The following PRKCZ variants were observed in gnomAD, a reference collection of about 807,000 sequenced individuals.
PRKCZ encodes the protein protein kinase C zeta, also known as protein kinase C zeta type.
In PRKCZ, 33 loss-of-function variants were observed where a neutral mutation model predicts 79.5. The ratio of observed to expected loss-of-function variants is 0.41; its 90% CI spans 0.31 to 0.55. The LOEUF is 0.55. Ranked by LOEUF, PRKCZ falls within the 20% of genes least tolerant of loss-of-function variation. PRKCZ has a pLI of 0.19. For missense variants in PRKCZ, 578 were observed against 813.5 expected (o/e 0.71, Z 3.52); for synonymous variants, 342 against 320.9 (o/e 1.07, Z -0.70).
intron 1 of PRKCZ, among the ~76,000 whole-genome samples, chr1:2,054,652 T>C (rs1659989001): frequency 1.3e-5 from 2 of 151,964 alleles, no homozygotes; most frequent in Non-Finnish European, 2.9e-5. Context: ...AAGAGTGGCC[T>C]TTCATTATGG....
At chr1:2,064,143 G>A (rs1001367868) in intron 4 of PRKCZ, among the ~76,000 whole-genome samples, 2 of 152,194 alleles carry the variant, frequency 1.3e-5, no homozygotes, top group Non-Finnish European at 2.9e-5. Context: ...TGCCGTGCCC[G>A]GCTTTGTTGG....
chr1:2,159,290 C>G (rs965567166), intron 10 of PRKCZ, among the ~76,000 whole-genome samples: 9 of 152,260 alleles, frequency 5.9e-5, no homozygotes, highest in Non-Finnish European at 1.2e-4. Flanking sequence ...TCTGGCCTGG[C>G]CCAGGTGGGT....
At chr1:2,103,691 C>T (rs1571393457) in intron 4 of PRKCZ, among the ~76,000 whole-genome samples, 1 of 152,238 alleles carries the variant, frequency 6.6e-6, no homozygotes, top group Non-Finnish European at 1.5e-5. Flanking sequence ...ATGATTGCAA[C>T]ACTGCACTCT....
chr1:2,137,873 C>T (rs1029747693), intron 5 of PRKCZ, among the ~76,000 whole-genome samples: 1 of 152,188 alleles, frequency 6.6e-6, no homozygotes, highest in African/African-American at 2.4e-5. Context: ...TGTGGAGGTA[C>T]AGCCCTTCTG....
chr1:2,066,203 C>G (rs987993618), intron 4 of PRKCZ, among the ~76,000 whole-genome samples: 4 of 152,182 alleles, frequency 2.6e-5, no homozygotes, highest in Admixed American at 6.5e-5. Context: ...CAGAGTAGTG[C>G]TGGCCTCACA....
At position 2,103,249 on chromosome 1, in the gene PRKCZ, C is replaced by T. The variant is rs568097508; in HGVS notation, c.335-32013C>T. On this transcript the variant is annotated intron_variant, in intron 4 of 17. Coordinates refer to ENST00000378567, the MANE Select transcript of PRKCZ (RefSeq NM_002744.6). ...ACAAACAGCAGCTGATGTTCTCACCCGGCCTTGTTCTAAGAGGACTCCAAA... is the reference window on the plus strand; with the variant it reads ...ACAAACAGCAGCTGATGTTCTCACCTGGCCTTGTTCTAAGAGGACTCCAAA... 2.8e-4 allele frequency among the ~76,000 whole-genome samples: 43 copies of T among 152,322 alleles called. 1 individual carries two copies. In the South Asian group the frequency reaches 3.9e-3, roughly 14 times the overall value.
intron 16 of PRKCZ, among the ~76,000 whole-genome samples, chr1:2,175,981 A>C (rs1291013371): frequency 6.6e-6 from 1 of 152,194 alleles, no homozygotes; most frequent in African/African-American, 2.4e-5. Context: ...CGGTTTTATC[A>C]GCAGTTACTG....
intron 1 of PRKCZ, among the ~76,000 whole-genome samples, chr1:2,055,088 G>T (rs1210468120): frequency 1.3e-5 from 2 of 151,754 alleles, no homozygotes; most frequent in Non-Finnish European, 2.9e-5. Flanking sequence ...GACTACAGGC[G>T]CCCGCCACCG....
intron 10 of PRKCZ, among the ~76,000 whole-genome samples, chr1:2,161,787 C>T (rs1682368761): frequency 6.6e-6 from 1 of 152,086 alleles, no homozygotes. Context: ...TCCCATGCCA[C>T]TGCGCCCTGC....
At chr1:2,181,921 C>T (rs1003872377) in intron 16 of PRKCZ, 9 of 454,966 alleles carry the variant, frequency 2.0e-5, no homozygotes, top group Admixed American at 7.1e-5. Context: ...ACAGGTGAGC[C>T]GTTCTGCCTA....
At chr1:2,159,569 T>C (rs1415681484) in intron 10 of PRKCZ, among the ~76,000 whole-genome samples, 1 of 152,098 alleles carries the variant, frequency 6.6e-6, no homozygotes, top group East Asian at 1.9e-4. Context: ...GGTCTGTGAG[T>C]GGGGAAGAAT....
chr1:2,150,008 A>G (rs1679522260), intron 8 of PRKCZ, among the ~76,000 whole-genome samples: 1 of 151,480 alleles, frequency 6.6e-6, no homozygotes, highest in Admixed American at 6.6e-5. Flanking sequence ...AATACAAAAA[A>G]AAAAAAAGCT....
intron 9 of PRKCZ, among the ~76,000 whole-genome samples, chr1:2,153,750 G>A (rs894182602): frequency 4.6e-4 from 70 of 152,246 alleles, no homozygotes; most frequent in African/African-American, 6.0e-4. Context: ...TGGAAGAGTC[G>A]CTGCTGCGGT....
chr1:2,048,845 G>A (rs1309240007), upstream of PRKCZ, among the ~76,000 whole-genome samples: 3 of 152,186 alleles, frequency 2.0e-5, no homozygotes, highest in Non-Finnish European at 4.4e-5. Context: ...CTTCCCAGGA[G>A]GGGTCTGATA....
Position 2,184,636 on chromosome 1 carries a change from C to T in PRKCZ, c.1629C>T (p.Tyr543=), listed in dbSNP as rs554637318. The T allele has an allele frequency of 2.2e-4, 357 of 1,614,078 alleles. No individual in the cohort carries two copies. Among genetic ancestry groups the T allele is most frequent in the South Asian group, 8.9e-4 (81 of 91,078 alleles). The change falls in exon 17 of 18, where the codon TAC becomes TAT. Residue 543 remains tyrosine, a synonymous_variant. Transcript: ENST00000378567. ...PPFQPQITDD[Y]GLDNFDTQFT... ...TCCAGCCACAGATCACAGACGACTA[C>T]GGTCTGGACAACTTTGACACACAGT...
chr1:2,126,654 C>G (rs1308360034), intron 4 of PRKCZ, among the ~76,000 whole-genome samples: 1 of 152,216 alleles, frequency 6.6e-6, no homozygotes, highest in Admixed American at 6.5e-5. Flanking sequence ...ATGAGGGCAG[C>G]TGGATGCAGC....
intron 4 of PRKCZ, among the ~76,000 whole-genome samples, chr1:2,063,592 C>T (rs550859058): frequency 4.6e-5 from 7 of 152,324 alleles, no homozygotes; most frequent in East Asian, 3.9e-4. Context: ...GGATTACAGG[C>T]GTGAGCCACT....
At chr1:2,055,405 C>T in intron 1 of PRKCZ, 36 bp from the exon 2 acceptor site, 3 of 1,561,580 alleles carry the variant, frequency 1.9e-6, no homozygotes, top group Middle Eastern at 3.4e-4. Context: ...CAAATATGCC[C>T]CACGGTAACA....
intron 4 of PRKCZ, among the ~76,000 whole-genome samples, chr1:2,117,556 A>G (rs1670993033): frequency 6.6e-6 from 1 of 152,000 alleles, no homozygotes; most frequent in African/African-American, 2.4e-5. Context: ...TTACCCTGGC[A>G]CTGTTGATCC....
Sources: gnomAD v4.1 joint callset for allele counts (sites outside exome capture counted in the v4.1 genomes callset) on GRCh38, gnomAD v4.1.1 for gene constraint, MANE v1.5 for transcripts, NCBI Gene and HGNC (gene_info 2026-07-23, HGNC 2026-07-21) for gene names.